Variants in MDGA2 observed in about 807,000 individuals in gnomAD.
MDGA2 encodes MAM domain-containing glycosylphosphatidylinositol anchor protein 2.
MDGA2 carries 40 observed loss-of-function variants against 117.8 expected under a neutral mutation model. The observed-to-expected ratio is 0.34, with a 90% confidence interval of 0.26 to 0.44. MDGA2 has a LOEUF of 0.44. Ranked by LOEUF, MDGA2 falls within the 20% of genes least tolerant of loss-of-function variation. The pLI, the probability that MDGA2 is intolerant of heterozygous loss-of-function variation, is 1.00. For missense variants in MDGA2, 1,123 were observed against 1,250.6 expected (o/e 0.90, Z 1.54); for synonymous variants, 452 against 439.0 (o/e 1.03, Z -0.37).
chr14:47,033,496 G>A (rs1313324339), intron 8 of MDGA2, among the ~76,000 whole-genome samples: 1 of 152,126 alleles, frequency 6.6e-6, no homozygotes, highest in Non-Finnish European at 1.5e-5. Flanking sequence ...TCACTTAAGG[G>A]TATCTCATTT....
chr14:47,359,707 C>A (rs188878187), intron 1 of MDGA2, among the ~76,000 whole-genome samples: 1 of 142,130 alleles, frequency 7.0e-6, no homozygotes, highest in African/African-American at 2.6e-5. Context: ...GCCAAGATTG[C>A]GCCACTGCAC....
intron 1 of MDGA2, among the ~76,000 whole-genome samples, chr14:47,548,776 C>T (rs955083541): frequency 4.6e-5 from 7 of 152,068 alleles, no homozygotes; most frequent in Non-Finnish European, 8.8e-5. Flanking sequence ...CACATGCCTG[C>T]GGCCTTCTAG....
intron 1 of MDGA2, among the ~76,000 whole-genome samples, chr14:47,457,002 A>T (rs1354621636): frequency 6.6e-6 from 1 of 152,234 alleles, no homozygotes; most frequent in Non-Finnish European, 1.5e-5. Context: ...CAAAGCTGAC[A>T]TACTACAACA....
chr14:47,296,165 C>A (rs529613355), intron 2 of MDGA2, among the ~76,000 whole-genome samples: 1 of 152,140 alleles, frequency 6.6e-6, no homozygotes, highest in Non-Finnish European at 1.5e-5. Context: ...GAACACTAGA[C>A]TAACACTTCA....
intron 1 of MDGA2, among the ~76,000 whole-genome samples, chr14:47,561,175 G>GTTTTTTTT (rs150826944): frequency 2.9e-5 from 2 of 69,398 alleles, no homozygotes; most frequent in East Asian, 1.0e-3. Context: ...TTTTTTGTTT[G>GTTTTTTTT]TTTGTTTTTT....
chr14:47,643,925 C>T (rs1897475911), intron 1 of MDGA2, among the ~76,000 whole-genome samples: 1 of 152,094 alleles, frequency 6.6e-6, no homozygotes, highest in South Asian at 2.1e-4. Flanking sequence ...GAGCACTCTC[C>T]TTGTTCAGTA....
At chr14:47,090,870 T>C (rs1566618313) in intron 6 of MDGA2, among the ~76,000 whole-genome samples, 2 of 152,112 alleles carry the variant, frequency 1.3e-5, no homozygotes, top group Non-Finnish European at 2.9e-5. Flanking sequence ...AGCTTCTTAG[T>C]CCAGGCACTA....
At chr14:47,407,740 G>C (rs957037160) in intron 1 of MDGA2, among the ~76,000 whole-genome samples, 1 of 152,098 alleles carries the variant, frequency 6.6e-6, no homozygotes, top group Non-Finnish European at 1.5e-5. Flanking sequence ...TAATATTATA[G>C]TGAAAATGAG....
intron 14 of MDGA2, among the ~76,000 whole-genome samples, chr14:46,857,853 T>C (rs1318259021): frequency 6.6e-6 from 1 of 151,968 alleles, no homozygotes; most frequent in Non-Finnish European, 1.5e-5. Context: ...ATGGGGTCTC[T>C]CCATCTTACT....
intron 4 of MDGA2, among the ~76,000 whole-genome samples, chr14:47,133,460 G>T (rs961901970): frequency 1.3e-5 from 2 of 151,732 alleles, no homozygotes; most frequent in African/African-American, 4.8e-5. Flanking sequence ...CTCTCAATAC[G>T]ACTAGTGTTA....
intron 4 of MDGA2, among the ~76,000 whole-genome samples, chr14:47,135,027 A>G (rs971875760): frequency 2.0e-5 from 3 of 151,990 alleles, no homozygotes; most frequent in Non-Finnish European, 2.9e-5. Flanking sequence ...TTCTGTTTCA[A>G]TTTGCATTTT....
chr14:47,447,362 T>G (rs1174964623), intron 1 of MDGA2, among the ~76,000 whole-genome samples: 1 of 152,132 alleles, frequency 6.6e-6, no homozygotes, highest in Non-Finnish European at 1.5e-5. Context: ...AGGGAGTTAG[T>G]GCAGGGAAGA....
chr14:47,017,348 A>G (rs1453533599), intron 8 of MDGA2, among the ~76,000 whole-genome samples: 2 of 151,798 alleles, frequency 1.3e-5, no homozygotes, highest in Non-Finnish European at 2.9e-5. Flanking sequence ...TTATTTTTGT[A>G]CTGTCTTTAG....
At chr14:47,044,418 T>A (rs1889185030) in intron 7 of MDGA2, among the ~76,000 whole-genome samples, 1 of 152,128 alleles carries the variant, frequency 6.6e-6, no homozygotes, top group Non-Finnish European at 1.5e-5. Context: ...CTTTCCTCAA[T>A]CAGCAGTAAA....
intron 8 of MDGA2, among the ~76,000 whole-genome samples, chr14:46,978,605 A>G (rs1886555238): frequency 1.3e-5 from 2 of 152,100 alleles, no homozygotes; most frequent in Non-Finnish European, 2.9e-5. Flanking sequence ...AAATTCCTTT[A>G]TATCAAATAA....
chr14:47,192,825 T>C lies in MDGA2; in HGVS notation c.595+25196A>G, dbSNP rs111329449. 2.1e-3 allele frequency among the ~76,000 whole-genome samples: 325 copies of C among 152,280 alleles called. 1 individual carries two copies. Among genetic ancestry groups the C allele is most frequent in the African/African-American group, 7.4e-3 (309 of 41,568 alleles). On this transcript the variant is annotated intron_variant, in intron 3 of 16. Coordinates refer to ENST00000399232, the MANE Select transcript of MDGA2 (RefSeq NM_001113498.3). ...GTGTTAGCTAAATAGGCCAACCACA[T>C]ATGCTTGTTAACTTTAGCAAGGGTG...
At chr14:47,172,157 G>A (rs1884177786) in intron 3 of MDGA2, among the ~76,000 whole-genome samples, 1 of 152,180 alleles carries the variant, frequency 6.6e-6, no homozygotes. Context: ...CTCCGACTGG[G>A]TGGAGCCCAC....
At chr14:47,508,799 C>A (rs920527946) in intron 1 of MDGA2, among the ~76,000 whole-genome samples, 1 of 152,112 alleles carries the variant, frequency 6.6e-6, no homozygotes, top group Non-Finnish European at 1.5e-5. Context: ...ACTGCCTCAG[C>A]CTCCCGAGTA....
chr14:46,961,152 C>T (rs1322611353), intron 8 of MDGA2, among the ~76,000 whole-genome samples: 7 of 151,992 alleles, frequency 4.6e-5, no homozygotes, highest in African/African-American at 1.4e-4. Flanking sequence ...TTTGTCATTG[C>T]TGTTCTGCAG....
Sources: gnomAD v4.1 joint callset for allele counts (sites outside exome capture counted in the v4.1 genomes callset) on GRCh38, gnomAD v4.1.1 for gene constraint, MANE v1.5 for transcripts, NCBI Gene and HGNC (gene_info 2026-07-23, HGNC 2026-07-21) for gene names.